Variants in RNF121 observed in about 807,000 individuals in gnomAD.
The protein encoded by RNF121 is ring finger protein 121.
A neutral mutation model predicts 46.5 loss-of-function variants in RNF121; 21 were observed. The observed-to-expected ratio is 0.45, with a 90% CI of 0.32 to 0.65. The LOEUF (loss-of-function observed/expected upper bound fraction) is 0.65, where lower values mean the gene tolerates loss of function less well. Among genes scored for constraint, RNF121 ranks in the 30% least tolerant of loss-of-function variants. The pLI is 0.04. For missense variants in RNF121, 346 were observed against 416.0 expected (o/e 0.83, Z 1.46); for synonymous variants, 139 against 144.7 (o/e 0.96, Z 0.28).
chr11:71,941,276 T>G (rs1953561516), intron 1 of RNF121, among the ~76,000 whole-genome samples: 1 of 152,234 alleles, frequency 6.6e-6, no homozygotes, highest in Non-Finnish European at 1.5e-5. Context: ...TAGAGAGAAG[T>G]GAGCAGCTAT....
intron 3 of RNF121, among the ~76,000 whole-genome samples, chr11:71,968,888 C>CTT (rs10686485): frequency 0.39 from 52,903 of 134,500 alleles, 11,091 homozygotes; most frequent in East Asian, 0.53. Context: ...TTCTTTCTTT[C>CTT]TTTTTTTTTT....
chr11:71,936,868 C>CCCAAT (rs1490997599), intron 1 of RNF121, among the ~76,000 whole-genome samples: 32 of 152,302 alleles, frequency 2.1e-4, no homozygotes, highest in Admixed American at 5.2e-4. Context: ...GTACATTCCT[C>CCCAAT]AGTGCCTTGC....
intron 1 of RNF121, among the ~76,000 whole-genome samples, chr11:71,951,089 T>G (rs1953865141): frequency 6.6e-6 from 1 of 151,872 alleles, no homozygotes; most frequent in African/African-American, 2.4e-5. Context: ...TTGGGCGTGG[T>G]GGTGCATGCC....
chr11:71,969,805 A>C (rs1158723109), intron 3 of RNF121, among the ~76,000 whole-genome samples: 2 of 152,112 alleles, frequency 1.3e-5, no homozygotes, highest in Non-Finnish European at 2.9e-5. Flanking sequence ...GGGCTCAAGC[A>C]GTCCTCCCAC....
At position 71,992,279 on chromosome 11, in the gene RNF121, C is replaced by T. The variant is rs190166378; in HGVS notation, c.627+1562C>T. On this transcript the variant is annotated intron_variant, in intron 6 of 8. Coordinates refer to ENST00000361756, the MANE Select transcript of RNF121 (RefSeq NM_018320.5). Reference sequence around the variant, plus strand: ...CTTATTCCTTGATTTAACCCACAGCCGCTACAACAACAGCCACTGTCACTT... The same window carrying T: ...CTTATTCCTTGATTTAACCCACAGCTGCTACAACAACAGCCACTGTCACTT... 3.5e-3 allele frequency among the ~76,000 whole-genome samples: 529 copies of T among 152,324 alleles called. 1 individual carries two copies. The highest frequency in any genetic ancestry group is 5.7e-3 in the Non-Finnish European group (385 of 68,028).
At chr11:71,982,587 G>T (rs911746270) in intron 3 of RNF121, among the ~76,000 whole-genome samples, 174 bp from the exon 4 acceptor site, 5 of 152,138 alleles carry the variant, frequency 3.3e-5, no homozygotes, top group Admixed American at 2.6e-4. Flanking sequence ...AAGGGAGGAG[G>T]AGTCAAATAT....
At chr11:71,931,838 C>G (rs1032331081) in intron 1 of RNF121, among the ~76,000 whole-genome samples, 3 of 152,018 alleles carry the variant, frequency 2.0e-5, no homozygotes, top group African/African-American at 7.2e-5. Flanking sequence ...TTAATATTGC[C>G]CCCTGTGTAG....
At chr11:71,948,704 C>T (rs966052801) in intron 1 of RNF121, among the ~76,000 whole-genome samples, 1 of 152,018 alleles carries the variant, frequency 6.6e-6, no homozygotes, top group Non-Finnish European at 1.5e-5. Flanking sequence ...TGCATGATCT[C>T]CAGCTGATTT....
chr11:71,951,791 A>T (rs1168501067), intron 1 of RNF121, among the ~76,000 whole-genome samples: 1 of 152,230 alleles, frequency 6.6e-6, no homozygotes, highest in African/African-American at 2.4e-5. Context: ...ATACCATTTC[A>T]TAGTCACTGG....
At chr11:71,966,029 T>A (rs1019179428) in intron 3 of RNF121, among the ~76,000 whole-genome samples, 1 of 152,062 alleles carries the variant, frequency 6.6e-6, no homozygotes, top group Non-Finnish European at 1.5e-5. Flanking sequence ...ATTTGATACA[T>A]TTTTTTTGAG....
chr11:71,937,906 C>G lies in RNF121; in HGVS notation c.63+8782C>G, dbSNP rs997764373. 2.6e-5 allele frequency among the ~76,000 whole-genome samples: 4 copies of G among 152,192 alleles called. No homozygotes were observed. The South Asian group carries it at 8.3e-4, about 32-fold the overall frequency. ...GTTTTCCCTTGAAGTCATTTGCTAC[C>G]TCTACTCCTCAGAGAAAAATCTGTA... On this transcript the variant is annotated intron_variant, in intron 1 of 8. Coordinates refer to ENST00000361756, the MANE Select transcript of RNF121 (RefSeq NM_018320.5).
chr11:71,985,291 C>T (rs1024531387), intron 4 of RNF121, among the ~76,000 whole-genome samples: 4 of 152,024 alleles, frequency 2.6e-5, no homozygotes, highest in African/African-American at 9.7e-5. Context: ...TATTATATAC[C>T]AGGAAATGGG....
chr11:71,946,867 C>CT (rs34778760), intron 1 of RNF121, among the ~76,000 whole-genome samples: 1,878 of 98,398 alleles, frequency 0.019, 143 homozygotes, highest in East Asian at 0.064. Flanking sequence ...TGCTCTGGCT[C>CT]TTTTTTTTTT....
intron 5 of RNF121, 51 bp from the exon 6 acceptor site, chr11:71,990,546 A>C: frequency 6.2e-7 from 1 of 1,601,382 alleles, no homozygotes; most frequent in Non-Finnish European, 8.5e-7. Flanking sequence ...AGTAATCCAT[A>C]GAAGATATGT....
chr11:71,988,341 G>A (rs1183825732), intron 5 of RNF121, among the ~76,000 whole-genome samples: 1 of 152,182 alleles, frequency 6.6e-6, no homozygotes, highest in African/African-American at 2.4e-5. Context: ...AAATACTGGT[G>A]GCTGTGGGCT....
At chr11:71,942,803 TACACAC>T in intron 1 of RNF121, among the ~76,000 whole-genome samples, 1 of 147,588 alleles carries the variant, frequency 6.8e-6, no homozygotes, top group Non-Finnish European at 1.5e-5. Context: ...TATATATATG[TACACAC>T]ACACACACAC....
intron 4 of RNF121, 167 bp downstream of exon 4, chr11:71,983,082 T>G: frequency 2.1e-6 from 1 of 486,506 alleles, no homozygotes; most frequent in Non-Finnish European, 3.4e-6. Flanking sequence ...CCTCCCCTAT[T>G]TATCGATTAA....
chr11:71,949,983 A>G (rs1326185668), intron 1 of RNF121, among the ~76,000 whole-genome samples: 1 of 152,166 alleles, frequency 6.6e-6, no homozygotes, highest in African/African-American at 2.4e-5. Flanking sequence ...TCTGGGCGAC[A>G]GAGCAAGACT....
At chr11:71,933,721 A>T (rs1054637301) in intron 1 of RNF121, among the ~76,000 whole-genome samples, 2 of 152,190 alleles carry the variant, frequency 1.3e-5, no homozygotes, top group Non-Finnish European at 2.9e-5. Flanking sequence ...CTAGACTGTA[A>T]GCTTCGTGAG....
Sources: allele counts gnomAD v4.1 joint callset (sites outside exome capture counted in the v4.1 genomes callset), GRCh38; gene constraint gnomAD v4.1.1; transcripts MANE v1.5; gene names NCBI Gene and HGNC (gene_info 2026-07-23, HGNC 2026-07-21).